The following CUX2 variants were observed in gnomAD, a reference collection of about 807,000 sequenced individuals.
CUX2 encodes cut like homeobox 2.
In CUX2, 40 loss-of-function variants were observed where a neutral mutation model predicts 144.8. The observed-to-expected ratio is 0.28, with a 90% CI of 0.21 to 0.36. The LOEUF (loss-of-function observed/expected upper bound fraction) is 0.36, where lower values mean the gene tolerates loss of function less well. Among genes scored for constraint, CUX2 ranks in the 10% least tolerant of loss-of-function variants. The pLI, the probability that CUX2 is intolerant of heterozygous loss-of-function variation, is 1.00. For synonymous variants in CUX2, 827 were observed against 875.6 expected (o/e 0.94, Z 0.98); for missense variants, 1,615 against 1,994.0 (o/e 0.81, Z 3.62).
At chr12:111,137,185 T>C (rs1040844752) in intron 1 of CUX2, among the ~76,000 whole-genome samples, 3 of 151,716 alleles carry the variant, frequency 2.0e-5, no homozygotes, top group African/African-American at 7.3e-5. Context: ...TCCCCCTGCC[T>C]GGGCCTCCCA....
intron 4 of CUX2, among the ~76,000 whole-genome samples, chr12:111,267,576 G>A (rs147102814): frequency 1.2e-3 from 190 of 152,262 alleles, no homozygotes; most frequent in East Asian, 3.1e-3. Flanking sequence ...AGTTTCCTAC[G>A]GCTGTTGTAA....
At chr12:111,311,685 G>A (rs890931350) in intron 15 of CUX2, among the ~76,000 whole-genome samples, 8 of 147,548 alleles carry the variant, frequency 5.4e-5, no homozygotes, top group Middle Eastern at 3.3e-3. Context: ...TACAACCACC[G>A]CCTCCTGGGT....
At position 111,035,538 on chromosome 12, in the gene CUX2, G is replaced by A. The variant is rs1001690129; in HGVS notation, c.63+1298G>A. 6.6e-6 allele frequency among the ~76,000 whole-genome samples: 1 copy of A among 152,124 alleles called. No individual in the cohort carries two copies. The highest frequency in any genetic ancestry group is 2.4e-5 in the African/African-American group (1 of 41,418). On this transcript the variant is annotated intron_variant, in intron 1 of 21. Transcript: ENST00000261726. This position sits in a 1 kb window ranked among gnomAD's most constrained non-coding sequence, Gnocchi z 6.0. Reference sequence around the variant, plus strand: ...GGAAAATGGTGCGGATAACAGGGCGGTTAGAGCATCCTGCCTTGACCGTGA... The same window carrying A: ...GGAAAATGGTGCGGATAACAGGGCGATTAGAGCATCCTGCCTTGACCGTGA...
At position 111,307,221 on chromosome 12, in the gene CUX2, C is replaced by T. The variant is rs762233182; in HGVS notation, c.1073C>T (p.Ala358Val). The T allele has an allele frequency of 1.2e-6, 2 of 1,614,162 alleles. No homozygotes were observed. The highest frequency in any genetic ancestry group is 4.5e-5 in the East Asian group (2 of 44,870). ...TAGAAGCTGGAAGAGAAGCTCCAGG[C>T]CCAGTCTGACTATGAGGAAATTAAA... ...AIEKLEEKLQ[A>V]QSDYEEIKTE... is the part of the protein sequence containing the mutation. The change falls in exon 12 of 22, where the codon GCC becomes GTC. Residue 358 changes from alanine (A) to valine (V), a missense_variant. Ala to Val is a moderately conservative substitution (Grantham distance 64). Coordinates refer to ENST00000261726, the MANE Select transcript of CUX2 (RefSeq NM_015267.4). The surrounding 1 kb of genome is among the most constrained non-coding windows in gnomAD (Gnocchi z 4.1).
Position 111,055,474 on chromosome 12 carries a change from C to T in CUX2, c.63+21234C>T, listed in dbSNP as rs76274710. 3.2e-3 allele frequency among the ~76,000 whole-genome samples: 491 copies of T among 152,380 alleles called. 9 individuals are homozygous for T. In the East Asian group the frequency reaches 0.038, roughly 12 times the overall value. ...TCTGCAAGCAAGGGGGTTGGTCCCA[C>T]GGCCCTTGGCCTACTTTGTGAAATT... is the stretch of plus-strand genomic sequence containing the variant. On this transcript the variant is annotated intron_variant, in intron 1 of 21. Coordinates refer to ENST00000261726, the MANE Select transcript of CUX2 (RefSeq NM_015267.4).
intron 1 of CUX2, among the ~76,000 whole-genome samples, chr12:111,136,938 A>T (rs1875927552): frequency 6.8e-6 from 1 of 147,360 alleles, no homozygotes; most frequent in African/African-American, 2.6e-5. Context: ...TTTATTTTTT[A>T]TGGCTTTTTT....
chr12:111,272,822 G>A (rs528666577), intron 4 of CUX2, among the ~76,000 whole-genome samples: 9 of 152,256 alleles, frequency 5.9e-5, no homozygotes, highest in South Asian at 4.2e-4. Flanking sequence ...TGCCCATGCC[G>A]TTTCCTCAGC....
intron 3 of CUX2, among the ~76,000 whole-genome samples, chr12:111,221,814 G>T (rs754625385): frequency 3.9e-5 from 6 of 151,918 alleles, no homozygotes; most frequent in Non-Finnish European, 7.4e-5. Flanking sequence ...GTGTGTGTGC[G>T]TGCCGGTGGG....
chr12:111,266,488 A>AG (rs1730428495), intron 4 of CUX2, among the ~76,000 whole-genome samples: 1 of 151,840 alleles, frequency 6.6e-6, no homozygotes, highest in Non-Finnish European at 1.5e-5. Context: ...AAAAAAAAAA[A>AG]AGAGACGAGG....
chr12:111,104,271 C>G (rs141093248), intron 1 of CUX2, among the ~76,000 whole-genome samples: 1 of 152,176 alleles, frequency 6.6e-6, no homozygotes, highest in Admixed American at 6.5e-5. Context: ...CTCTTCCCCC[C>G]TCACATAGTA....
intron 1 of CUX2, among the ~76,000 whole-genome samples, chr12:111,045,367 C>T (rs1050080081): frequency 1.6e-4 from 24 of 152,190 alleles, no homozygotes; most frequent in Admixed American, 1.5e-3. Flanking sequence ...TCAGCCCCAG[C>T]TATGTGTCCC....
chr12:111,155,075 C>G (rs1476319761), intron 1 of CUX2, among the ~76,000 whole-genome samples: 1 of 152,058 alleles, frequency 6.6e-6, no homozygotes, highest in Non-Finnish European at 1.5e-5. Flanking sequence ...GGTTAACACG[C>G]GATAATACAG....
chr12:111,281,871 A>C (rs1026642907), intron 4 of CUX2, among the ~76,000 whole-genome samples: 10 of 152,064 alleles, frequency 6.6e-5, no homozygotes, highest in Non-Finnish European at 1.0e-4. Context: ...GAGAAGGAGG[A>C]GGCGGGATGC....
At chr12:111,303,937 G>A (rs1430744203) in intron 9 of CUX2, among the ~76,000 whole-genome samples, 1 of 152,102 alleles carries the variant, frequency 6.6e-6, no homozygotes, top group African/African-American at 2.4e-5. Context: ...GGGGTCCCAG[G>A]CACCCCACGA....
At chr12:111,264,799 G>A (rs1035841014) in intron 4 of CUX2, among the ~76,000 whole-genome samples, 12 of 152,224 alleles carry the variant, frequency 7.9e-5, no homozygotes, top group African/African-American at 2.9e-4. Context: ...GATGAACCTC[G>A]AAAACACAGT....
At chr12:111,336,289 A>T (rs1260617290) in intron 19 of CUX2, among the ~76,000 whole-genome samples, 1 of 152,216 alleles carries the variant, frequency 6.6e-6, no homozygotes, top group African/African-American at 2.4e-5. Context: ...GCAAACCCCA[A>T]CATTTTCACT....
chr12:111,252,232 C>A (rs142852425), intron 3 of CUX2, among the ~76,000 whole-genome samples: 3 of 152,302 alleles, frequency 2.0e-5, no homozygotes, highest in Middle Eastern at 3.4e-3. Flanking sequence ...GAATTAGAAT[C>A]TAGAATCAAT....
intron 1 of CUX2, among the ~76,000 whole-genome samples, chr12:111,142,529 G>GA (rs200266878): frequency 0.023 from 2,443 of 107,104 alleles, 35 homozygotes; most frequent in African/African-American, 0.051. Context: ...GTCAGGGAAG[G>GA]AAAAAAAAAA....
At chr12:111,113,469 A>G (rs892555986) in intron 1 of CUX2, among the ~76,000 whole-genome samples, 15 of 151,510 alleles carry the variant, frequency 9.9e-5, no homozygotes, top group Non-Finnish European at 1.8e-4. Context: ...TTCTCTGACC[A>G]CATTGCTTTG....
Sources: gnomAD v4.1 joint callset for allele counts (sites outside exome capture counted in the v4.1 genomes callset) on GRCh38, gnomAD v4.1.1 for gene constraint, Gnocchi (gnomAD v3.1) non-coding constraint, MANE v1.5 for transcripts, NCBI Gene and HGNC (gene_info 2026-07-23, HGNC 2026-07-21) for gene names.